Variants in PDSS2 observed in about 807,000 individuals in gnomAD.
PDSS2 encodes all trans-polyprenyl-diphosphate synthase PDSS2.
PDSS2 carries 31 observed loss-of-function variants against 44.5 expected under a neutral mutation model. The observed-to-expected ratio is 0.70, with a 90% CI of 0.52 to 0.94. PDSS2 has a LOEUF of 0.94. Among genes scored for constraint, PDSS2 ranks in the 40% least tolerant of loss-of-function variants. The probability of loss-of-function intolerance (pLI) is 0.00; values close to 1 mark genes in which losing one functional copy is unlikely to be tolerated. For missense variants in PDSS2, 452 were observed against 482.2 expected, an observed-to-expected ratio of 0.94 and a Z score of 0.59; for synonymous variants, 157 against 180.3, an observed-to-expected ratio of 0.87 and a Z score of 1.03.
chr6:107,169,440 G>T (rs1170618297), intron 7 of PDSS2, among the ~76,000 whole-genome samples: 1 of 152,024 alleles, frequency 6.6e-6, no homozygotes, highest in Non-Finnish European at 1.5e-5. Context: ...CCTTTAGCTC[G>T]GAGAAGTCTG....
At chr6:107,367,539 T>C (rs1268024104) in intron 1 of PDSS2, among the ~76,000 whole-genome samples, 1 of 152,172 alleles carries the variant, frequency 6.6e-6, no homozygotes, top group East Asian at 1.9e-4. Context: ...ATCTCAGCAC[T>C]TTGGGAGGCT....
chr6:107,217,164 C>T (rs73509118), intron 4 of PDSS2, among the ~76,000 whole-genome samples: 1,678 of 152,272 alleles, frequency 0.011, 37 homozygotes, highest in African/African-American at 0.037. Context: ...CACAGACAAA[C>T]GGCGAATCTC....
intron 1 of PDSS2, among the ~76,000 whole-genome samples, chr6:107,403,415 G>A (rs1225195633): frequency 1.3e-5 from 2 of 152,184 alleles, no homozygotes; most frequent in Non-Finnish European, 2.9e-5. Flanking sequence ...CCAGGCACAT[G>A]GTTCAAGTTG....
At chr6:107,429,380 C>T (rs941677636) in intron 1 of PDSS2, among the ~76,000 whole-genome samples, 3 of 152,108 alleles carry the variant, frequency 2.0e-5, no homozygotes, top group African/African-American at 7.2e-5. Context: ...TATCTGTCTG[C>T]AGAAAACTCT....
intron 1 of PDSS2, among the ~76,000 whole-genome samples, chr6:107,392,897 T>C (rs1779826746): frequency 6.6e-6 from 1 of 152,174 alleles, no homozygotes; most frequent in East Asian, 1.9e-4. Flanking sequence ...TATTGTCTCA[T>C]ATCCAATACA....
chr6:107,313,142 T>C (rs1777095142), intron 2 of PDSS2, among the ~76,000 whole-genome samples: 1 of 152,244 alleles, frequency 6.6e-6, no homozygotes, highest in African/African-American at 2.4e-5. Context: ...CCAGGAAATA[T>C]AAACATGTGC....
chr6:107,459,457 C>T lies in PDSS2; in HGVS notation c.-172G>A. The stretch of plus-strand genomic sequence containing the variant: ...AGAAACGAACTTTAACTGCTGCTTT[C>T]TGCAGCCCAGGCTGGGCAAACAACA... On this transcript the variant is annotated 5_prime_UTR_variant, in exon 1 of 8. Transcript: ENST00000369037. The surrounding 1 kb of genome is among the most constrained non-coding windows in gnomAD (Gnocchi z 4.3). 1.6e-6 allele frequency: 1 copy of T among 623,602 alleles called. No individual in the cohort carries two copies. The highest frequency in any genetic ancestry group is 2.8e-6 in the Non-Finnish European group (1 of 352,634). 38.6% of individuals were successfully genotyped at this position (623,602 alleles called of 1,614,324 possible).
Position 107,154,361 on chromosome 6 carries a change from G to A in PDSS2, c.*258C>T, listed in dbSNP as rs930661702. 41 of 438,898 alleles carry A rather than the reference G, an allele frequency of 9.3e-5. No homozygotes were observed. The highest frequency in any genetic ancestry group is 7.4e-4 in the African/African-American group (37 of 49,718). 27.2% of individuals were successfully genotyped at this position (438,898 alleles called of 1,614,324 possible). A position where few individuals can be genotyped will look rare whatever the true frequency, so the allele number is the denominator to read the frequency against. ...GTCCATTTGCTGAGGTCACAGGAGC[G>A]AATCTCATTAATTATTTCTGCGACT... On this transcript the variant is annotated 3_prime_UTR_variant, in exon 8 of 8. Transcript: ENST00000369037.
intron 1 of PDSS2, among the ~76,000 whole-genome samples, chr6:107,397,291 A>G (rs577664003): frequency 1.3e-5 from 2 of 152,262 alleles, no homozygotes; most frequent in African/African-American, 4.8e-5. Context: ...AATAGTACAA[A>G]AGCATTGGAA....
intron 3 of PDSS2, among the ~76,000 whole-genome samples, chr6:107,246,485 C>T (rs897545149): frequency 2.0e-5 from 3 of 152,184 alleles, no homozygotes; most frequent in Non-Finnish European, 2.9e-5. Flanking sequence ...GTTATGCAGT[C>T]CTGTATCAGA....
At chr6:107,398,307 T>C (rs2114572306) in intron 1 of PDSS2, among the ~76,000 whole-genome samples, 1 of 152,286 alleles carries the variant, frequency 6.6e-6, no homozygotes, top group Admixed American at 6.5e-5. Context: ...TGTTACAAAA[T>C]ACAAAACAAT....
intron 1 of PDSS2, among the ~76,000 whole-genome samples, chr6:107,371,918 T>G (rs1779138176): frequency 6.6e-6 from 1 of 152,200 alleles, no homozygotes; most frequent in Non-Finnish European, 1.5e-5. Context: ...AAAGAGGATA[T>G]TTTTCCCAAC....
chr6:107,408,193 C>T (rs1380815744), intron 1 of PDSS2, among the ~76,000 whole-genome samples: 1 of 151,882 alleles, frequency 6.6e-6, no homozygotes, highest in Non-Finnish European at 1.5e-5. Flanking sequence ...CCATGCCCGG[C>T]TAATTTTTGT....
At chr6:107,239,141 G>T (rs1392026207) in intron 4 of PDSS2, among the ~76,000 whole-genome samples, 1 of 152,072 alleles carries the variant, frequency 6.6e-6, no homozygotes, top group Non-Finnish European at 1.5e-5. Flanking sequence ...GCCGGGCATG[G>T]TGGTACACAC....
chr6:107,334,337 C>A lies in PDSS2; in HGVS notation c.297-5G>T. On this transcript the variant is annotated splice_polypyrimidine_tract_variant and splice_region_variant and intron_variant, in intron 1 of 7. Transcript: ENST00000369037. Reference sequence around the variant, plus strand: ...CAGCTGTCATGTACAAGCCCCCTGCCAACAAGCAAAGAAGGAAGAGGATTA... The same window carrying A: ...CAGCTGTCATGTACAAGCCCCCTGCAAACAAGCAAAGAAGGAAGAGGATTA... The A allele has an allele frequency of 6.2e-7, 1 of 1,613,156 alleles. No individual in the cohort carries two copies. The highest frequency in any genetic ancestry group is 1.3e-5 in the African/African-American group (1 of 74,936).
At chr6:107,233,000 TCAGA>T (rs1241860237) in intron 4 of PDSS2, among the ~76,000 whole-genome samples, 4 of 152,052 alleles carry the variant, frequency 2.6e-5, no homozygotes, top group Non-Finnish European at 5.9e-5. Flanking sequence ...TTTTCTTTGT[TCAGA>T]CAGAGTCTCA....
intron 1 of PDSS2, among the ~76,000 whole-genome samples, chr6:107,391,269 G>T (rs890070697): frequency 2.0e-5 from 3 of 152,030 alleles, no homozygotes; most frequent in Non-Finnish European, 4.4e-5. Flanking sequence ...AGATAAGAAA[G>T]AAACCAAACA....
chr6:107,351,421 T>C (rs1778431335), intron 1 of PDSS2, among the ~76,000 whole-genome samples: 2 of 152,226 alleles, frequency 1.3e-5, no homozygotes, highest in Admixed American at 6.5e-5. Flanking sequence ...GATTATTTTG[T>C]TTTTATTATT....
rs150287704 is a variant in PDSS2 at position 107,232,439 on chromosome 6, T to A, written c.702+13109A>T. 1.8e-3 allele frequency among the ~76,000 whole-genome samples: 272 copies of A among 152,336 alleles called. 3 individuals carry two copies. Among genetic ancestry groups the A allele is most frequent in the Admixed American group, 0.015 (229 of 15,300 alleles). Reference sequence around the variant, plus strand: ...CTTTGCTGGAGTTGCTTCCTCTTCCTGGAATGTTTTTTCCCCCCAACATAG... The same window carrying A: ...CTTTGCTGGAGTTGCTTCCTCTTCCAGGAATGTTTTTTCCCCCCAACATAG... On this transcript the variant is annotated intron_variant, in intron 4 of 7. Transcript: ENST00000369037.
Sources: gnomAD v4.1 joint callset for allele counts (sites outside exome capture counted in the v4.1 genomes callset) on GRCh38, gnomAD v4.1.1 for gene constraint, Gnocchi (gnomAD v3.1) non-coding constraint, MANE v1.5 for transcripts, NCBI Gene and HGNC (gene_info 2026-07-23, HGNC 2026-07-21) for gene names.